RARS2: variants seen among roughly 807,000 people sequenced by gnomAD.
The protein encoded by RARS2 is arginyl-tRNA synthetase 2, mitochondrial.
A neutral mutation model predicts 88.5 loss-of-function variants in RARS2; 67 were observed. The observed-to-expected ratio is 0.76, with a 90% CI of 0.62 to 0.93. The LOEUF (loss-of-function observed/expected upper bound fraction) is 0.93, where lower values mean the gene tolerates loss of function less well. Among genes scored for constraint, RARS2 ranks in the 40% least tolerant of loss-of-function variants. RARS2 has a pLI of 0.00. For synonymous variants in RARS2, 239 were observed against 230.3 expected (o/e 1.04, Z -0.34); for missense variants, 664 against 684.2 (o/e 0.97, Z 0.33).
chr6:87,564,438 T>A (rs943717614), intron 2 of RARS2: 12 of 541,436 alleles, frequency 2.2e-5, no homozygotes, highest in African/African-American at 1.5e-4. Flanking sequence ...GGCAGGCGGA[T>A]CACCTGAGGT....
At chr6:87,564,395 C>T (rs1440753300) in intron 2 of RARS2, 163 bp from the exon 3 acceptor site, 1 of 628,626 alleles carries the variant, frequency 1.6e-6, no homozygotes, top group African/African-American at 1.8e-5. Context: ...AGCGGTGGCT[C>T]ATGCCTGTAA....
chr6:87,549,048 C>CA (rs1270265258), intron 5 of RARS2, among the ~76,000 whole-genome samples: 2 of 151,788 alleles, frequency 1.3e-5, no homozygotes, highest in African/African-American at 2.4e-5. Flanking sequence ...ACTGTCTCTA[C>CA]AAAAAAAATT....
At chr6:87,551,946 T>C (rs1000827585) in intron 5 of RARS2, among the ~76,000 whole-genome samples, 1 of 152,158 alleles carries the variant, frequency 6.6e-6, no homozygotes, top group Non-Finnish European at 1.5e-5. Context: ...GAGGAAACAG[T>C]AATTAGCTTC....
chr6:87,521,938 T>C (rs1582303226), intron 11 of RARS2, among the ~76,000 whole-genome samples: 1 of 152,348 alleles, frequency 6.6e-6, no homozygotes, highest in African/African-American at 2.4e-5. Flanking sequence ...ATAGATGATG[T>C]AGTAAACAGG....
intron 2 of RARS2, 125 bp downstream of exon 2, chr6:87,569,392 A>AT (rs891485785): frequency 2.7e-6 from 2 of 741,168 alleles, no homozygotes; most frequent in African/African-American, 1.7e-5. Context: ...ATAATGAATC[A>AT]TATCTTACAG....
At chr6:87,559,777 A>G (rs940183516) in intron 4 of RARS2, among the ~76,000 whole-genome samples, 4 of 152,228 alleles carry the variant, frequency 2.6e-5, no homozygotes, top group Non-Finnish European at 4.4e-5. Context: ...CAGTAGTGTA[A>G]TGTCCTAGGC....
At chr6:87,570,449 C>T (rs771436247) in intron 1 of RARS2, among the ~76,000 whole-genome samples, 10 of 152,154 alleles carry the variant, frequency 6.6e-5, no homozygotes, top group African/African-American at 7.2e-5. Flanking sequence ...GACAGAGTCT[C>T]GCTCTGTCAC....
intron 5 of RARS2, 114 bp from the exon 6 acceptor site, chr6:87,548,760 G>A: frequency 5.4e-6 from 5 of 920,988 alleles, no homozygotes; most frequent in South Asian, 1.6e-5. Context: ...TTGGTATTAG[G>A]GCAAAGATAA....
chr6:87,523,862 A>C (rs1774792458), intron 11 of RARS2, among the ~76,000 whole-genome samples: 1 of 152,210 alleles, frequency 6.6e-6, no homozygotes, highest in Non-Finnish European at 1.5e-5. Flanking sequence ...CTAGAAAAAT[A>C]ATGTACCTCT....
At chr6:87,548,832 A>G (rs919504454) in intron 5 of RARS2, among the ~76,000 whole-genome samples, 186 bp from the exon 6 acceptor site, 6 of 152,250 alleles carry the variant, frequency 3.9e-5, no homozygotes, top group African/African-American at 1.4e-4. Flanking sequence ...CATTGTGTTA[A>G]TGAAATTGAT....
chr6:87,563,506 T>C (rs1788504227), intron 3 of RARS2, among the ~76,000 whole-genome samples: 1 of 152,238 alleles, frequency 6.6e-6, no homozygotes, highest in Non-Finnish European at 1.5e-5. Context: ...GTGACTTTCA[T>C]TGTTCCAATT....
At chr6:87,563,648 T>C (rs1469197436) in intron 3 of RARS2, among the ~76,000 whole-genome samples, 1 of 152,226 alleles carries the variant, frequency 6.6e-6, no homozygotes, top group Non-Finnish European at 1.5e-5. Context: ...AATTCCTCTG[T>C]TAGATATCAA....
At chr6:87,574,938 A>T (rs1472802004) in intron 1 of RARS2, among the ~76,000 whole-genome samples, 2 of 151,988 alleles carry the variant, frequency 1.3e-5, no homozygotes, top group Non-Finnish European at 2.9e-5. Flanking sequence ...AAAAATAAAC[A>T]GAATTGAAGA....
intron 11 of RARS2, 112 bp from the exon 12 acceptor site, chr6:87,521,636 C>G (rs1232331845): frequency 2.6e-6 from 2 of 782,474 alleles, no homozygotes; most frequent in Non-Finnish European, 4.5e-6. Context: ...AATTATACCA[C>G]AGCCTGAGGA....
chr6:87,517,199 C>A (rs1469057998), intron 17 of RARS2, among the ~76,000 whole-genome samples: 1 of 151,954 alleles, frequency 6.6e-6, no homozygotes, highest in African/African-American at 2.4e-5. Flanking sequence ...AATCACTTGA[C>A]CCCGGGAGGT....
At chr6:87,574,604 CAGAAG>C (rs1770810648) in intron 1 of RARS2, among the ~76,000 whole-genome samples, 1 of 152,006 alleles carries the variant, frequency 6.6e-6, no homozygotes, top group South Asian at 2.1e-4. Flanking sequence ...AGGCACAGAC[CAGAAG>C]ATAGACAGCT....
intron 17 of RARS2, among the ~76,000 whole-genome samples, chr6:87,517,712 G>A (rs895249413): frequency 2.0e-5 from 3 of 152,188 alleles, no homozygotes; most frequent in Admixed American, 2.0e-4. Context: ...ATGTGTGGGT[G>A]TCTTGCCTAG....
chr6:87,520,398 G>A (rs1773454185), intron 12 of RARS2, 142 bp from the exon 13 acceptor site: 2 of 679,424 alleles, frequency 2.9e-6, no homozygotes, highest in Non-Finnish European at 2.5e-6. Flanking sequence ...ACACAAAGAG[G>A]ATGCCACAAG....
chr6:87,561,455 A>G (rs1562208369), intron 4 of RARS2, among the ~76,000 whole-genome samples: 1 of 152,128 alleles, frequency 6.6e-6, no homozygotes, highest in Non-Finnish European at 1.5e-5. Context: ...ACTGCTGCCT[A>G]TCAAAGGGTA....
Sources: allele counts gnomAD v4.1 joint callset (sites outside exome capture counted in the v4.1 genomes callset), GRCh38; gene constraint gnomAD v4.1.1; transcripts MANE v1.5; gene names NCBI Gene and HGNC (gene_info 2026-07-23, HGNC 2026-07-21).